Variants in MTF2 observed in about 807,000 individuals in gnomAD.
MTF2 encodes metal response element binding transcription factor 2, also known as metal-response element-binding transcription factor 2.
MTF2 carries 11 observed loss-of-function variants against 79.5 expected under a neutral mutation model. The observed-to-expected ratio is 0.14, with a 90% CI of 0.09 to 0.23. The LOEUF (loss-of-function observed/expected upper bound fraction) is 0.23. Ranked by LOEUF, MTF2 falls within the 10% of genes least tolerant of loss-of-function variation. The pLI, the probability that MTF2 is intolerant of heterozygous loss-of-function variation, is 1.00. For synonymous variants in MTF2, 208 were observed against 232.8 expected (o/e 0.89, Z 0.97); for missense variants, 486 against 711.2 (o/e 0.68, Z 3.60).
intron 11 of MTF2, among the ~76,000 whole-genome samples, chr1:93,129,911 T>C (rs1656850866): frequency 6.6e-6 from 1 of 152,216 alleles, no homozygotes; most frequent in South Asian, 2.1e-4. Flanking sequence ...GCTAGTGCCA[T>C]GTAGGATAGC....
chr1:93,099,880 G>T (rs572729123), intron 1 of MTF2, among the ~76,000 whole-genome samples: 1 of 152,296 alleles, frequency 6.6e-6, no homozygotes, highest in East Asian at 1.9e-4. Context: ...GGGAAAAATT[G>T]AAAGTGAATA....
intron 9 of MTF2, 73 bp from the exon 10 acceptor site, chr1:93,127,159 C>T: frequency 9.8e-7 from 1 of 1,017,506 alleles, no homozygotes; most frequent in Non-Finnish European, 1.5e-6. Flanking sequence ...CATCACATTG[C>T]CTCTATCTAG....
At chr1:93,129,496 C>A in intron 11 of MTF2, 48 bp downstream of exon 11, 2 of 1,355,162 alleles carry the variant, frequency 1.5e-6, no homozygotes, top group Non-Finnish European at 2.0e-6. Flanking sequence ...TTATTTGTAA[C>A]TAAAAATGTA....
chr1:93,086,796 A>G (rs899471690), intron 1 of MTF2, among the ~76,000 whole-genome samples: 2 of 152,196 alleles, frequency 1.3e-5, no homozygotes, highest in African/African-American at 4.8e-5. Flanking sequence ...TTGAAAATGT[A>G]TACTACAGGC....
At chr1:93,080,554 C>T (rs760992258) in intron 1 of MTF2, among the ~76,000 whole-genome samples, 2 of 152,196 alleles carry the variant, frequency 1.3e-5, no homozygotes, top group Non-Finnish European at 2.9e-5. Flanking sequence ...GAAAACCTAG[C>T]TAGGCCTGTG....
intron 14 of MTF2, 47 bp from the exon 15 acceptor site, chr1:93,136,623 A>G: frequency 6.9e-7 from 1 of 1,452,276 alleles, no homozygotes; most frequent in South Asian, 1.2e-5. Flanking sequence ...TGGGCATAGG[A>G]TGCTAAAAAA....
rs1055121014 is a variant in MTF2 at position 93,138,329 on chromosome 1, T to C, written c.*1302T>C. The C allele has an allele frequency of 6.6e-6, 1 of 152,212 alleles. No individual in the cohort carries two copies. The highest frequency in any genetic ancestry group is 2.4e-5 in the African/African-American group (1 of 41,462). The allele number at this position is 152,212 out of a possible 1,614,324, so 9.4% of individuals were successfully genotyped here. A position where few individuals can be genotyped will look rare whatever the true frequency, so the allele number is the denominator to read the frequency against. ...AGAGTGAACAGAAGATTTTCTTATT[T>C]TGGTGGCTATTCATTTTACTTTTAA... On this transcript the variant is annotated 3_prime_UTR_variant, in exon 15 of 15. Transcript: ENST00000370298.
intron 1 of MTF2, among the ~76,000 whole-genome samples, chr1:93,084,252 T>C (rs922571584): frequency 6.6e-6 from 1 of 152,172 alleles, no homozygotes; most frequent in Admixed American, 6.5e-5. Flanking sequence ...ACTAATTCTT[T>C]CCTCATTGAC....
In MTF2 at chr1:93,138,533, T is replaced by A. The variant is rs1212778386; in HGVS notation, c.*1506T>A. ...TATTTCTTTAAACATCTTCAAAAGA[T>A]GATCCTTTCTTGTCACATTATAGCC... On this transcript the variant is annotated 3_prime_UTR_variant, in exon 15 of 15. Coordinates refer to ENST00000370298, the MANE Select transcript of MTF2 (RefSeq NM_007358.4). 3 of 152,236 alleles carry A rather than the reference T, an allele frequency of 2.0e-5. No homozygotes were observed. Among genetic ancestry groups the A allele is most frequent in the Admixed American group, 2.0e-4 (3 of 15,288 alleles). The allele number at this position is 152,236 out of a possible 1,614,324, so 9.4% of individuals were successfully genotyped here.
chr1:93,114,703 G>A lies in MTF2; in HGVS notation c.302G>A (p.Gly101Glu). The change falls in exon 4 of 15, where the codon GGG becomes GAG. Residue 101 changes from glycine (G) to glutamate (E), a missense_variant. Around this residue, in one of 4 missense-constraint regions of MTF2, gnomAD observed 177 missense variants for 364.0 expected, o/e 0.49. Transcript: ENST00000370298. ...KDIQTGATGS[G>E]EMVCTICQEE... is the part of the protein sequence containing the mutation. The stretch of plus-strand genomic sequence containing the variant: ...AATATTTTAGGAGCCACTGGAAGTG[G>A]GGAAATGGTCTGTACAATATGTCAA... 6.2e-7 allele frequency: 1 copy of A among 1,603,016 alleles called. No homozygotes were observed. Among genetic ancestry groups the A allele is most frequent in the Non-Finnish European group, 8.5e-7 (1 of 1,176,844 alleles).
chr1:93,087,553 C>T (rs1013150620), intron 1 of MTF2, among the ~76,000 whole-genome samples: 1 of 138,640 alleles, frequency 7.2e-6, no homozygotes, highest in African/African-American at 2.6e-5. Context: ...GCCTGGGCAA[C>T]AGAGTGAGAC....
At chr1:93,084,418 C>T (rs951197824) in intron 1 of MTF2, among the ~76,000 whole-genome samples, 6 of 152,028 alleles carry the variant, frequency 3.9e-5, no homozygotes, top group African/African-American at 4.8e-5. Flanking sequence ...GAAATTGGGA[C>T]GTTGTGAGTC....
intron 11 of MTF2, among the ~76,000 whole-genome samples, chr1:93,131,409 A>G (rs1255142890): frequency 6.6e-6 from 1 of 152,230 alleles, no homozygotes; most frequent in Admixed American, 6.5e-5. Flanking sequence ...TGGTACAGAT[A>G]GAAACCAGAT....
chr1:93,087,909 CAT>C (rs1400152338), intron 1 of MTF2, among the ~76,000 whole-genome samples: 3 of 149,836 alleles, frequency 2.0e-5, no homozygotes, highest in Non-Finnish European at 3.0e-5. Flanking sequence ...TATTCTATGG[CAT>C]TATTAGGAGG....
chr1:93,121,601 CAT>C, intron 9 of MTF2: 1 of 976,268 alleles, frequency 1.0e-6, no homozygotes, highest in Non-Finnish European at 1.2e-6. Flanking sequence ...TCAGGGAGAA[CAT>C]AATGCATGAT....
At chr1:93,085,886 T>C (rs1654816096) in intron 1 of MTF2, among the ~76,000 whole-genome samples, 1 of 152,158 alleles carries the variant, frequency 6.6e-6, no homozygotes, top group African/African-American at 2.4e-5. Context: ...ACCAGTGCCT[T>C]GTGGATACCA....
At chr1:93,120,128 CAAA>C (rs1270399826) in intron 8 of MTF2, 1 of 152,260 alleles carries the variant, frequency 6.6e-6, no homozygotes, top group Admixed American at 6.6e-5. Flanking sequence ...ACTAAAAATA[CAAA>C]AAAATTTAGC....
In MTF2 at chr1:93,136,756, C is replaced by T. The variant is rs1441447157; in HGVS notation, c.1511C>T (p.Pro504Leu). Residue 504 changes from proline (P) to leucine (L), a missense_variant, in exon 15 of 15, where the codon CCA becomes CTA. Transcript: ENST00000370298. ...PHLRRRRGRL[P>L]RRALQTQNSE... is the part of the protein sequence containing the mutation. ...TTGCGGAGAAGAAGAGGTCGTCTTC[C>T]AAGAAGAGCACTCCAGACTCAGAAC... is the stretch of plus-strand genomic sequence containing the variant. 1 of 1,614,056 alleles carries T rather than the reference C, an allele frequency of 6.2e-7. No individual in the cohort carries two copies. The highest frequency in any genetic ancestry group is 2.2e-5 in the East Asian group (1 of 44,882).
At chr1:93,114,571 C>A in intron 3 of MTF2, 117 bp from the exon 4 acceptor site, 1 of 618,020 alleles carries the variant, frequency 1.6e-6, no homozygotes, top group Non-Finnish European at 2.8e-6. Context: ...TCTTGTGAAG[C>A]ATTATGATGT....
Sources: allele counts gnomAD v4.1 joint callset (sites outside exome capture counted in the v4.1 genomes callset), GRCh38; gene constraint gnomAD v4.1.1; regional missense constraint gnomAD v4.1.1; transcripts MANE v1.5; gene names NCBI Gene and HGNC (gene_info 2026-07-23, HGNC 2026-07-21).